C12orf56: variants seen among roughly 807,000 people sequenced by gnomAD.
The protein encoded by C12orf56 is chromosome 12 open reading frame 56, also known as uncharacterized protein C12orf56.
A neutral mutation model predicts 69.9 loss-of-function variants in C12orf56; 71 were observed. The ratio of observed to expected loss-of-function variants is 1.02; its 90% CI spans 0.84 to 1.24. C12orf56 has a LOEUF of 1.24. Among genes scored for constraint, C12orf56 ranks in the 50% most tolerant of loss-of-function variants. The pLI, the probability that C12orf56 is intolerant of heterozygous loss-of-function variation, is 0.00. For missense variants in C12orf56, 732 were observed against 738.5 expected (o/e 0.99, Z 0.10); for synonymous variants, 276 against 274.1 (o/e 1.01, Z -0.07).
At chr12:64,334,209 G>A (rs1369652992) in intron 2 of C12orf56, among the ~76,000 whole-genome samples, 1 of 152,194 alleles carries the variant, frequency 6.6e-6, no homozygotes, top group Non-Finnish European at 1.5e-5. Flanking sequence ...TCCCATTCCT[G>A]TGGGGAAGAT....
At chr12:64,274,387 T>C (rs1234285033) in intron 11 of C12orf56, among the ~76,000 whole-genome samples, 1 of 152,138 alleles carries the variant, frequency 6.6e-6, no homozygotes, top group Non-Finnish European at 1.5e-5. Flanking sequence ...AAGGAAGAGT[T>C]ATTGAGAGAT....
At position 64,385,478 on chromosome 12, in the gene C12orf56, T is replaced by C. The variant is rs576316822; in HGVS notation, c.252+4836A>G. ...GAACTAGAGTTAATCTGGCCTAACATGGAACAAGGAGAGCTGGGGCTCAGA... is the reference window on the plus strand; with the variant it reads ...GAACTAGAGTTAATCTGGCCTAACACGGAACAAGGAGAGCTGGGGCTCAGA... On this transcript the variant is annotated intron_variant, in intron 1 of 12. Coordinates refer to ENST00000543942, the MANE Select transcript of C12orf56 (RefSeq NM_001170633.2). Among the ~76,000 whole-genome samples the C allele has an allele frequency of 3.3e-5, 5 of 152,334 alleles. No homozygotes were observed. In the East Asian group the frequency reaches 9.6e-4, roughly 29 times the overall value.
At chr12:64,314,539 TAC>T (rs2038664797) in intron 4 of C12orf56, among the ~76,000 whole-genome samples, 1 of 152,232 alleles carries the variant, frequency 6.6e-6, no homozygotes, top group African/African-American at 2.4e-5. Context: ...AAAATAGTCA[TAC>T]AGTGTTCAGC....
chr12:64,386,158 G>T (rs1320617317), intron 1 of C12orf56, among the ~76,000 whole-genome samples: 1 of 151,984 alleles, frequency 6.6e-6, no homozygotes, highest in Non-Finnish European at 1.5e-5. Flanking sequence ...TTCTCATGCT[G>T]CATCAGTTGG....
rs373187432 is a variant in C12orf56 at position 64,270,668 on chromosome 12, G to C, written c.1631C>G (p.Ser544Ter). 5.0e-6 allele frequency: 8 copies of C among 1,613,112 alleles called. No individual in the cohort carries two copies. The highest frequency in any genetic ancestry group is 6.8e-6 in the Non-Finnish European group (8 of 1,179,662). Residue 544 changes from serine to a stop codon, truncating the protein, a stop_gained, in exon 12 of 13, where the codon TCA becomes TGA. Transcript: ENST00000543942. LOFTEE classifies it high-confidence loss of function. Reference sequence around the variant, plus strand: ...GGGACTTAGCAGCTGAAATGAAGCTGAAAGACCCCTCACCACTTGTTTCAC... The same window carrying C: ...GGGACTTAGCAGCTGAAATGAAGCTCAAAGACCCCTCACCACTTGTTTCAC... Reference protein sequence around the residue: ...SIVKQVVRGLSASFQLLSPCQ... With the variant: ...SIVKQVVRGL
intron 8 of C12orf56, 84 bp downstream of exon 8, chr12:64,284,580 G>T: frequency 1.0e-6 from 1 of 952,726 alleles, no homozygotes. Context: ...GGAAGTTGGA[G>T]AATTATGTGC....
chr12:64,319,123 G>T, intron 3 of C12orf56, 143 bp from the exon 4 acceptor site: 1 of 725,226 alleles, frequency 1.4e-6, no homozygotes, highest in Non-Finnish European at 2.1e-6. Flanking sequence ...GAACCTCGCT[G>T]GTAATAACCC....
chr12:64,313,717 T>C (rs1336969178), intron 4 of C12orf56, among the ~76,000 whole-genome samples: 1 of 151,778 alleles, frequency 6.6e-6, no homozygotes, highest in Non-Finnish European at 1.5e-5. Context: ...ACTTAATATA[T>C]GGTGGATGGT....
intron 2 of C12orf56, among the ~76,000 whole-genome samples, chr12:64,348,910 A>T (rs569943183): frequency 5.9e-5 from 9 of 152,212 alleles, no homozygotes; most frequent in Non-Finnish European, 1.3e-4. Flanking sequence ...AAACGTAAGG[A>T]CTCATGAAGA....
intron 2 of C12orf56, among the ~76,000 whole-genome samples, chr12:64,337,871 A>AAAAC (rs2039017992): frequency 6.6e-6 from 1 of 151,812 alleles, no homozygotes; most frequent in African/African-American, 2.4e-5. Flanking sequence ...AAAAAAAAAA[A>AAAAC]AAACACCAGG....
At chr12:64,328,705 AAATATATATATATATATATAT>A (rs1352326863) in intron 3 of C12orf56, among the ~76,000 whole-genome samples, 395 of 7,554 alleles carry the variant, frequency 0.052, 34 homozygotes, top group East Asian at 0.15. Context: ...AAAAAAAAAA[AAATATATATATATATATATAT>A]ATATATATAT....
At chr12:64,358,488 C>A (rs202203235) in intron 1 of C12orf56, among the ~76,000 whole-genome samples, 8,869 of 66,576 alleles carry the variant, frequency 0.13, 312 homozygotes, top group South Asian at 0.24. Flanking sequence ...TAATAATCAT[C>A]ATCATCATCA....
chr12:64,294,891 T>C (rs1263503906), intron 6 of C12orf56, among the ~76,000 whole-genome samples: 1 of 151,844 alleles, frequency 6.6e-6, no homozygotes, highest in African/African-American at 2.4e-5. Context: ...AAAAATCATA[T>C]GAAGAAAAAA....
intron 1 of C12orf56, among the ~76,000 whole-genome samples, chr12:64,390,096 G>C (rs1262672203): frequency 6.6e-6 from 1 of 152,126 alleles, no homozygotes; most frequent in Non-Finnish European, 1.5e-5. Flanking sequence ...GCGGGAGAAT[G>C]GGTGAACAGG....
chr12:64,307,665 G>A (rs1592438269), intron 5 of C12orf56, among the ~76,000 whole-genome samples: 1 of 151,066 alleles, frequency 6.6e-6, no homozygotes, highest in Non-Finnish European at 1.5e-5. Flanking sequence ...CACCTCGCCC[G>A]GCCAGACTCA....
At chr12:64,333,919 T>C (rs1205600018) in intron 2 of C12orf56, among the ~76,000 whole-genome samples, 4 of 152,164 alleles carry the variant, frequency 2.6e-5, no homozygotes, top group Non-Finnish European at 5.9e-5. Flanking sequence ...GAAAGTCTGG[T>C]CTCCTGGACA....
chr12:64,372,033 G>A (rs1200102333), intron 1 of C12orf56, among the ~76,000 whole-genome samples: 1 of 151,188 alleles, frequency 6.6e-6, no homozygotes. Context: ...CTCCCTCCTC[G>A]GCCTCCATAA....
chr12:64,323,721 G>A (rs557276377), intron 3 of C12orf56, among the ~76,000 whole-genome samples: 1 of 152,160 alleles, frequency 6.6e-6, no homozygotes, highest in South Asian at 2.1e-4. Context: ...ATGTTGCCCA[G>A]GCCGGTCTTA....
At chr12:64,380,060 G>A (rs186042646) in intron 1 of C12orf56, among the ~76,000 whole-genome samples, 6 of 129,444 alleles carry the variant, frequency 4.6e-5, no homozygotes, top group Non-Finnish European at 7.8e-5. Context: ...AGCCGAGATC[G>A]TGCCACTGCA....
Sources: allele counts gnomAD v4.1 joint callset (sites outside exome capture counted in the v4.1 genomes callset), GRCh38; gene constraint gnomAD v4.1.1; transcripts MANE v1.5; gene names NCBI Gene and HGNC (gene_info 2026-07-23, HGNC 2026-07-21).